The following LARGE1 variants were observed in gnomAD, a reference collection of about 807,000 sequenced individuals.
The protein encoded by LARGE1 is xylosyl- and glucuronyltransferase LARGE1.
LARGE1 carries 43 observed loss-of-function variants against 87.6 expected under a neutral mutation model. The ratio of observed to expected loss-of-function variants is 0.49; its 90% CI spans 0.38 to 0.63. The LOEUF (loss-of-function observed/expected upper bound fraction) is 0.63, where lower values mean the gene tolerates loss of function less well. Ranked by LOEUF, LARGE1 falls within the 30% of genes least tolerant of loss-of-function variation. The probability of loss-of-function intolerance (pLI) is 0.00; values close to 1 mark genes in which losing one functional copy is unlikely to be tolerated. For synonymous variants in LARGE1, 434 were observed against 394.6 expected (o/e 1.10, Z -1.18); for missense variants, 802 against 1,000.2 (o/e 0.80, Z 2.67).
chr22:33,790,316 A>G (rs2085782707), intron 1 of LARGE1, among the ~76,000 whole-genome samples: 1 of 152,178 alleles, frequency 6.6e-6, no homozygotes, highest in South Asian at 2.1e-4. Context: ...TTTCCTTTAT[A>G]AATTACCCAC....
At chr22:33,451,991 T>TAGA (rs1256031386) in intron 6 of LARGE1, among the ~76,000 whole-genome samples, 4 of 152,232 alleles carry the variant, frequency 2.6e-5, no homozygotes, top group African/African-American at 9.6e-5. Flanking sequence ...CCCAGGTTCC[T>TAGA]CTTCACAAGG....
At chr22:33,093,424 C>T in the LARGE1 span, among the ~76,000 whole-genome samples, 6 of 152,132 alleles carry the variant, frequency 3.9e-5, no homozygotes, top group African/African-American at 1.2e-4. Context: ...CCCAGTAATG[C>T]TTATATATCC....
intron 1 of LARGE1, among the ~76,000 whole-genome samples, chr22:33,884,139 C>T (rs377373007): frequency 2.4e-4 from 37 of 152,296 alleles, no homozygotes; most frequent in East Asian, 1.5e-3. Context: ...CCAACCACAC[C>T]ACCTGTCTCA....
At chr22:33,418,701 TGGCTGGAGGGAGGC>T (rs71697875) in intron 7 of LARGE1, among the ~76,000 whole-genome samples, 10,528 of 151,688 alleles carry the variant, frequency 0.069, 414 homozygotes, top group Non-Finnish European at 0.08. Flanking sequence ...GGGGCCAGAG[TGGCTGGAGGGAGGC>T]GGCTGGAGTG....
intron 1 of LARGE1, among the ~76,000 whole-genome samples, chr22:33,765,935 T>C (rs1174288518): frequency 6.6e-6 from 1 of 152,164 alleles, no homozygotes; most frequent in African/African-American, 2.4e-5. Context: ...TGGTTCCCCT[T>C]TTATGATAAC....
intron 6 of LARGE1, among the ~76,000 whole-genome samples, chr22:33,432,606 T>A (rs1569158544): frequency 6.6e-6 from 1 of 152,144 alleles, no homozygotes; most frequent in Admixed American, 6.5e-5. Flanking sequence ...CATGCATGCA[T>A]GCATGCATTT....
intron 1 of LARGE1, among the ~76,000 whole-genome samples, chr22:33,905,665 C>T (rs775766503): frequency 5.9e-5 from 9 of 152,106 alleles, no homozygotes; most frequent in African/African-American, 2.2e-4. Flanking sequence ...AGTTTCAACA[C>T]GTAAAAGACA....
rs148383806 is a variant in LARGE1 at position 33,650,656 on chromosome 22, A to G, written c.119T>C (p.Val40Ala). The G allele has an allele frequency of 2.0e-4, 319 of 1,600,778 alleles. No individual in the cohort carries two copies. The highest frequency in any genetic ancestry group is 2.6e-4 in the Non-Finnish European group (306 of 1,179,948). ...CTGGGACTCCAGCGGTGACAGAGAC[A>G]CGGGCTTTCCATCTGGGGAGCGAAA... ...FSGSFEDGKP[V>A]SLSPLESQAH... The change falls in exon 3 of 15, where the codon GTG becomes GCG. Residue 40 changes from valine to alanine, a missense_variant. Coordinates refer to ENST00000397394, the MANE Select transcript of LARGE1 (RefSeq NM_133642.5).
At chr22:33,183,614 A>ACGCACGCACG (rs1199452086) in intron 11 of LARGE1, among the ~76,000 whole-genome samples, 2 of 94,034 alleles carry the variant, frequency 2.1e-5, no homozygotes, top group African/African-American at 7.6e-5. Context: ...ACACACACAC[A>ACGCACGCACG]CACACGCACA....
intron 2 of LARGE1, among the ~76,000 whole-genome samples, chr22:33,655,813 A>T (rs532752621): frequency 1.6e-4 from 24 of 152,338 alleles, no homozygotes; most frequent in African/African-American, 5.8e-4. Flanking sequence ...TGCCTAGCAC[A>T]TCATAAACTA....
chr22:33,605,020 G>A (rs1375516198), intron 4 of LARGE1, among the ~76,000 whole-genome samples: 4 of 151,342 alleles, frequency 2.6e-5, no homozygotes, highest in Non-Finnish European at 4.4e-5. Context: ...TCTTCTGCTT[G>A]TTCCTCTCCA....
chr22:33,688,758 A>AT (rs1303721641), intron 2 of LARGE1, among the ~76,000 whole-genome samples: 1 of 151,994 alleles, frequency 6.6e-6, no homozygotes, highest in East Asian at 1.9e-4. Flanking sequence ...AAGTGGAGGG[A>AT]TGGTCATAAA....
At chr22:33,776,367 G>C (rs561337885) in intron 1 of LARGE1, among the ~76,000 whole-genome samples, 8 of 152,168 alleles carry the variant, frequency 5.3e-5, no homozygotes, top group Non-Finnish European at 1.0e-4. Flanking sequence ...AAAGAATCGA[G>C]AAGTAATCAA....
chr22:33,842,943 C>T (rs2063323034), intron 1 of LARGE1, among the ~76,000 whole-genome samples: 1 of 132,076 alleles, frequency 7.6e-6, no homozygotes, highest in East Asian at 2.0e-4. Context: ...CAAAACAAAA[C>T]AAAACAAAAC....
chr22:33,769,135 C>T (rs968765656), intron 1 of LARGE1, among the ~76,000 whole-genome samples: 1 of 152,176 alleles, frequency 6.6e-6, no homozygotes, highest in Non-Finnish European at 1.5e-5. Context: ...TTTCTCAACA[C>T]GTGCCTTTTT....
intron 11 of LARGE1, among the ~76,000 whole-genome samples, chr22:33,202,034 G>T (rs1602085669): frequency 1.3e-5 from 2 of 152,158 alleles, no homozygotes; most frequent in East Asian, 3.9e-4. Flanking sequence ...TACTCGGGAG[G>T]CTGAGGCAGG....
chr22:33,659,587 C>T (rs367641720), intron 2 of LARGE1, among the ~76,000 whole-genome samples: 1 of 152,026 alleles, frequency 6.6e-6, no homozygotes, highest in Non-Finnish European at 1.5e-5. Flanking sequence ...AATGATGACA[C>T]ACAAAGGCTG....
chr22:33,071,993 A>C, the LARGE1 span, among the ~76,000 whole-genome samples: 3 of 152,206 alleles, frequency 2.0e-5, no homozygotes, highest in East Asian at 1.9e-4. Context: ...CTAAATGCAG[A>C]TTGGAGCACT....
rs186750869 is a variant in LARGE1 at position 33,687,819 on chromosome 22, T to C, written c.107-37151A>G. The stretch of plus-strand genomic sequence containing the variant: ...GATGCCAACCTGAGTGCTACCCACT[T>C]AACAAGTAAAAATACCGAATACTAA... On this transcript the variant is annotated intron_variant, in intron 2 of 14. Coordinates refer to ENST00000397394, the MANE Select transcript of LARGE1 (RefSeq NM_133642.5). Among the ~76,000 whole-genome samples the C allele has an allele frequency of 3.3e-5, 5 of 152,304 alleles. No individual in the cohort carries two copies. In the East Asian group the frequency reaches 9.6e-4, roughly 29 times the overall value.
Sources: gnomAD v4.1 joint callset for allele counts (sites outside exome capture counted in the v4.1 genomes callset) on GRCh38, gnomAD v4.1.1 for gene constraint, MANE v1.5 for transcripts, NCBI Gene and HGNC (gene_info 2026-07-23, HGNC 2026-07-21) for gene names.